Variants in CDH12 observed in about 807,000 individuals in gnomAD.
The protein encoded by CDH12 is cadherin 12.
CDH12 carries 41 observed loss-of-function variants against 74.1 expected under a neutral mutation model. The ratio of observed to expected loss-of-function variants is 0.55; its 90% confidence interval spans 0.43 to 0.72. CDH12 has a LOEUF of 0.72. Ranked by LOEUF, CDH12 falls within the 30% of genes least tolerant of loss-of-function variation. The pLI is 0.00. For synonymous variants in CDH12, 399 were observed against 355.0 expected (o/e 1.12, Z -1.39); for missense variants, 945 against 977.2 (o/e 0.97, Z 0.44).
chr5:22,379,209 A>G (rs998897919), intron 3 of CDH12, among the ~76,000 whole-genome samples: 1 of 152,154 alleles, frequency 6.6e-6, no homozygotes, highest in African/African-American at 2.4e-5. Flanking sequence ...ATGTTGCAAG[A>G]TATAAATGGT....
chr5:22,126,009 G>A (rs573385747), intron 4 of CDH12, among the ~76,000 whole-genome samples: 1 of 138,636 alleles, frequency 7.2e-6, no homozygotes, highest in South Asian at 2.5e-4. Flanking sequence ...TTGGGGGGGG[G>A]ACAAATTCTA....
intron 1 of CDH12, among the ~76,000 whole-genome samples, chr5:22,721,087 T>C (rs1304258834): frequency 1.3e-5 from 2 of 152,182 alleles, no homozygotes; most frequent in Non-Finnish European, 2.9e-5. Context: ...GTCAGAGATC[T>C]TTTGTGTCAG....
At chr5:22,081,034 C>G (rs2150228227) in intron 4 of CDH12, among the ~76,000 whole-genome samples, 1 of 152,268 alleles carries the variant, frequency 6.6e-6, no homozygotes, top group African/African-American at 2.4e-5. Context: ...CTGCCTCAGC[C>G]TCCCAACGTG....
chr5:22,641,228 G>A (rs903343796), intron 1 of CDH12, among the ~76,000 whole-genome samples: 13 of 152,062 alleles, frequency 8.5e-5, no homozygotes, highest in Non-Finnish European at 1.8e-4. Context: ...TCTCAGAACC[G>A]GGGAAGCTGA....
chr5:22,818,225 AG>A, intron 1 of CDH12, among the ~76,000 whole-genome samples: 1 of 152,298 alleles, frequency 6.6e-6, no homozygotes, highest in South Asian at 2.1e-4. Context: ...AAGCCATACA[AG>A]ACACTACAAA....
chr5:22,003,486 CAA>C (rs1213781458), intron 5 of CDH12, among the ~76,000 whole-genome samples: 3 of 152,206 alleles, frequency 2.0e-5, no homozygotes, highest in Admixed American at 6.5e-5. Context: ...TGAAGAAAGC[CAA>C]AGAGACAATT....
chr5:22,573,193 A>G (rs539744302), intron 1 of CDH12, among the ~76,000 whole-genome samples: 2 of 152,164 alleles, frequency 1.3e-5, no homozygotes, highest in African/African-American at 2.4e-5. Context: ...TTGCTCCTCT[A>G]TACAAAAGTT....
chr5:22,350,416 G>C (rs1269247107), intron 3 of CDH12, among the ~76,000 whole-genome samples: 3 of 152,162 alleles, frequency 2.0e-5, no homozygotes, highest in Non-Finnish European at 2.9e-5. Context: ...ATTGTCAAAT[G>C]TGGTAGGAAG....
intron 3 of CDH12, among the ~76,000 whole-genome samples, chr5:22,246,661 G>A (rs545581806): frequency 3.6e-4 from 55 of 152,178 alleles, no homozygotes; most frequent in East Asian, 3.3e-3. Flanking sequence ...GGCTAATTAC[G>A]TAATTCCTTA....
chr5:22,091,383 T>C (rs1743426668), intron 4 of CDH12, among the ~76,000 whole-genome samples: 1 of 151,114 alleles, frequency 6.6e-6, no homozygotes, highest in Non-Finnish European at 1.5e-5. Flanking sequence ...TGTATTTCTA[T>C]ACACTGAAAT....
At chr5:22,407,951 C>T (rs754267758) in intron 2 of CDH12, among the ~76,000 whole-genome samples, 6 of 152,040 alleles carry the variant, frequency 3.9e-5, no homozygotes, top group Non-Finnish European at 8.8e-5. Context: ...AATAGCCTAT[C>T]GCCTTCTCTA....
At chr5:22,424,002 C>CAAAAAAA (rs1165781089) in intron 2 of CDH12, among the ~76,000 whole-genome samples, 45 of 31,172 alleles carry the variant, frequency 1.4e-3, no homozygotes, top group African/African-American at 3.1e-3. Context: ...GACTCTGTCT[C>CAAAAAAA]AAAAAAAAAA....
chr5:22,395,146 C>T (rs1443365275), intron 3 of CDH12, among the ~76,000 whole-genome samples: 1 of 152,138 alleles, frequency 6.6e-6, no homozygotes, highest in African/African-American at 2.4e-5. Context: ...TGAGCAGGAT[C>T]TAAATCCAAT....
intron 1 of CDH12, among the ~76,000 whole-genome samples, chr5:22,850,406 T>C (rs2126540724): frequency 6.6e-6 from 1 of 152,214 alleles, no homozygotes; most frequent in South Asian, 2.1e-4. Context: ...TTATTCAGTA[T>C]TAGCAAAATA....
chr5:21,768,688 G>A (rs925453762), intron 11 of CDH12, among the ~76,000 whole-genome samples: 5 of 151,938 alleles, frequency 3.3e-5, no homozygotes, highest in Admixed American at 1.3e-4. Context: ...CACCCAGGTG[G>A]CTTCATGAGG....
chr5:22,651,701 G>T (rs1460815179), intron 1 of CDH12, among the ~76,000 whole-genome samples: 54 of 144,412 alleles, frequency 3.7e-4, no homozygotes, highest in East Asian at 4.0e-4. Context: ...TAGGATGGTG[G>T]TTTTTTTTTT....
chr5:22,320,607 CATTT>C (rs1312359708), intron 3 of CDH12, among the ~76,000 whole-genome samples: 3 of 152,112 alleles, frequency 2.0e-5, no homozygotes, highest in Non-Finnish European at 4.4e-5. Flanking sequence ...ATTAAACCAA[CATTT>C]ATTTACTGAC....
At chr5:22,123,809 C>T (rs1243934111) in intron 4 of CDH12, among the ~76,000 whole-genome samples, 1 of 152,078 alleles carries the variant, frequency 6.6e-6, no homozygotes. Flanking sequence ...ATGTCTTGGT[C>T]AGACAAGGTC....
chr5:22,656,713 C>T (rs1415298201), intron 1 of CDH12, among the ~76,000 whole-genome samples: 4 of 152,002 alleles, frequency 2.6e-5, no homozygotes, highest in Admixed American at 6.6e-5. Context: ...CATGTATGTG[C>T]CACAAAAAGA....
Sources: gnomAD v4.1 joint callset for allele counts (sites outside exome capture counted in the v4.1 genomes callset) on GRCh38, gnomAD v4.1.1 for gene constraint, MANE v1.5 for transcripts, NCBI Gene and HGNC (gene_info 2026-07-23, HGNC 2026-07-21) for gene names.